Variants in PDZD2 observed in about 807,000 individuals in gnomAD.
PDZD2 encodes PDZ domain-containing protein 2.
In PDZD2, 90 loss-of-function variants were observed where a neutral mutation model predicts 220.7. That is an observed-to-expected ratio of 0.41 (90% CI 0.34 to 0.49). PDZD2 has a LOEUF of 0.49. Ranked by LOEUF, PDZD2 falls within the 20% of genes least tolerant of loss-of-function variation. PDZD2 has a pLI of 0.28. For missense variants in PDZD2, 3,174 were observed against 3,608.5 expected, an observed-to-expected ratio of 0.88 and a Z score of 3.08; for synonymous variants, 1,375 against 1,450.5, an observed-to-expected ratio of 0.95 and a Z score of 1.18.
intron 19 of PDZD2, chr5:32,077,811 G>A: frequency 4.2e-6 from 2 of 480,470 alleles, no homozygotes; most frequent in South Asian, 4.0e-5. Context: ...ACAAAAATTA[G>A]CCGGGCGTGG....
chr5:31,900,154 G>T (rs947775593), intron 2 of PDZD2, among the ~76,000 whole-genome samples: 2 of 152,186 alleles, frequency 1.3e-5, no homozygotes, highest in Admixed American at 6.5e-5. Flanking sequence ...GAGCATTGGG[G>T]TGGATGGTGG....
At position 31,908,133 on chromosome 5, in the gene PDZD2, T is replaced by C. The variant is rs1313774497; in HGVS notation, c.477-75022T>C. ...AGAAAGAAAAGGATCAGGTAGTAAA[T>C]AGAATCGAATAACATCTTTATCCAT... On this transcript the variant is annotated intron_variant, in intron 2 of 24. Coordinates refer to ENST00000438447, the MANE Select transcript of PDZD2 (RefSeq NM_178140.4). Among the ~76,000 whole-genome samples, 6 of 134,436 alleles carry C rather than the reference T, an allele frequency of 4.5e-5. No homozygotes were observed. The South Asian group carries it at 1.2e-3, about 27-fold the overall frequency. The allele number at this position is 134,436 out of a possible 152,430, so 88.2% of individuals were successfully genotyped here.
At chr5:32,071,478 G>T in intron 16 of PDZD2, 60 bp downstream of exon 16, 1 of 1,356,910 alleles carries the variant, frequency 7.4e-7, no homozygotes, top group Non-Finnish European at 1.1e-6. Context: ...AATTCCTGGA[G>T]CCCACAAGTC....
In PDZD2 at chr5:32,058,228, C is replaced by T. The variant is rs558671412; in HGVS notation, c.2200+125C>T. On this transcript the variant is annotated intron_variant, in intron 12 of 24. Transcript: ENST00000438447. ...TTGGTACAATCTTCTATCAACAACA[C>T]GTGGTCTCTGCATGGGACAGTGAGG... The T allele has an allele frequency of 7.0e-5, 46 of 653,816 alleles. 1 individual carries two copies. Among genetic ancestry groups the T allele is most frequent in the Admixed American group, 5.4e-4 (22 of 40,582 alleles). 40.5% of individuals were successfully genotyped at this position (653,816 alleles called of 1,614,324 possible). A position where few individuals can be genotyped will look rare whatever the true frequency, so the allele number is the denominator to read the frequency against.
At chr5:31,965,660 C>G (rs781149252) in intron 2 of PDZD2, among the ~76,000 whole-genome samples, 8 of 152,120 alleles carry the variant, frequency 5.3e-5, no homozygotes, top group Non-Finnish European at 1.2e-4. Flanking sequence ...TTTGGGAGGC[C>G]AGGGCACGTG....
intron 2 of PDZD2, chr5:31,822,894 G>T: frequency 3.6e-6 from 3 of 834,612 alleles, no homozygotes; most frequent in South Asian, 1.3e-5. Flanking sequence ...TGACACCCTT[G>T]ATCATGTTCT....
At chr5:31,916,471 G>A (rs894151658) in intron 2 of PDZD2, among the ~76,000 whole-genome samples, 9 of 152,240 alleles carry the variant, frequency 5.9e-5, no homozygotes, top group East Asian at 1.9e-4. Flanking sequence ...TCATCTTTTT[G>A]TTGCCTCATA....
chr5:31,711,274 A>C (rs1324455635), intron 1 of PDZD2, among the ~76,000 whole-genome samples: 1 of 152,256 alleles, frequency 6.6e-6, no homozygotes, highest in Admixed American at 6.5e-5. Context: ...TAAAGGGCAG[A>C]GGGTCCATGT....
chr5:31,744,314 G>A (rs1305484792), intron 1 of PDZD2: 1 of 152,088 alleles, frequency 6.6e-6, no homozygotes, highest in African/African-American at 2.4e-5. Context: ...TCAAAACTAG[G>A]GTGGGACTTT....
At chr5:31,997,325 G>A (rs1166491287) in intron 4 of PDZD2, among the ~76,000 whole-genome samples, 1 of 152,144 alleles carries the variant, frequency 6.6e-6, no homozygotes, top group Non-Finnish European at 1.5e-5. Context: ...TCTGAAGAAT[G>A]GAAAACTAAG....
At chr5:31,826,424 G>A (rs948708809) in intron 2 of PDZD2, among the ~76,000 whole-genome samples, 1 of 152,108 alleles carries the variant, frequency 6.6e-6, no homozygotes, top group Non-Finnish European at 1.5e-5. Flanking sequence ...TGTAATCTCA[G>A]CACTTTGGGA....
intron 2 of PDZD2, among the ~76,000 whole-genome samples, chr5:31,894,451 C>T (rs926711081): frequency 6.6e-6 from 1 of 151,906 alleles, no homozygotes; most frequent in African/African-American, 2.4e-5. Context: ...GAGATAGGGC[C>T]GTTCTTGATG....
At position 31,996,231 on chromosome 5, in the gene PDZD2, T is replaced by A. The variant is rs1344536995; in HGVS notation, c.1121+513T>A. 2.0e-5 allele frequency among the ~76,000 whole-genome samples: 3 copies of A among 152,068 alleles called. No homozygotes were observed. The South Asian group carries it at 6.2e-4, about 32-fold the overall frequency. On this transcript the variant is annotated intron_variant, in intron 4 of 24. Transcript: ENST00000438447. ...TGTCGTGCAGATGTGGAAGGGAAAT[T>A]AAGTAAATGTGAATTTTTCTCCTTG... is the stretch of plus-strand genomic sequence containing the variant.
intron 1 of PDZD2, among the ~76,000 whole-genome samples, chr5:31,706,259 G>T (rs991818401): frequency 6.6e-6 from 1 of 152,288 alleles, no homozygotes; most frequent in South Asian, 2.1e-4. Flanking sequence ...TTTTGACTCT[G>T]AGCTTCCTTG....
At chr5:31,876,961 G>A (rs1739361585) in intron 2 of PDZD2, among the ~76,000 whole-genome samples, 1 of 152,160 alleles carries the variant, frequency 6.6e-6, no homozygotes, top group Non-Finnish European at 1.5e-5. Flanking sequence ...ACATTTGCAT[G>A]CCTTGGAAAC....
rs575190495 is a variant in PDZD2 at position 31,749,711 on chromosome 5, C to T, written c.-360-49178C>T. Among the ~76,000 whole-genome samples, 43 of 152,306 alleles carry T rather than the reference C, an allele frequency of 2.8e-4. 1 individual carries two copies. In the East Asian group the frequency reaches 5.6e-3, roughly 20 times the overall value. On this transcript the variant is annotated intron_variant, in intron 1 of 24. Transcript: ENST00000438447. ...TGCTGGGATTACAGGCATGAGCCTC[C>T]GCACCCGGCTGTGACGGTGTGATTG...
intron 1 of PDZD2, among the ~76,000 whole-genome samples, chr5:31,751,893 G>T (rs1177356955): frequency 2.0e-5 from 3 of 151,972 alleles, no homozygotes; most frequent in African/African-American, 7.3e-5. Flanking sequence ...ACAGAATCCA[G>T]AAGTTCAACT....
chr5:31,807,282 C>T (rs1159274742), intron 2 of PDZD2, among the ~76,000 whole-genome samples: 3 of 152,100 alleles, frequency 2.0e-5, no homozygotes, highest in South Asian at 2.1e-4. Flanking sequence ...GCAAAGAATG[C>T]GGGCCTCGGA....
At chr5:31,683,759 G>T (rs1486715689) in intron 1 of PDZD2, among the ~76,000 whole-genome samples, 5 of 152,144 alleles carry the variant, frequency 3.3e-5, no homozygotes, top group African/African-American at 1.2e-4. Flanking sequence ...ACTGCAAAGA[G>T]TCTGCAGCGG....
Sources: allele counts gnomAD v4.1 joint callset (sites outside exome capture counted in the v4.1 genomes callset), GRCh38; gene constraint gnomAD v4.1.1; transcripts MANE v1.5; gene names NCBI Gene and HGNC (gene_info 2026-07-23, HGNC 2026-07-21).